The following HYAL4 variants were observed in gnomAD, a reference collection of about 807,000 sequenced individuals.
HYAL4 encodes hyaluronidase-4.
In HYAL4, 37 loss-of-function variants were observed where a neutral mutation model predicts 35.2. The observed-to-expected ratio is 1.05, with a 90% CI of 0.81 to 1.38. The LOEUF (loss-of-function observed/expected upper bound fraction) is 1.38, where lower values mean the gene tolerates loss of function less well. Among genes scored for constraint, HYAL4 ranks in the 40% most tolerant of loss-of-function variants. The pLI is 0.00. For missense variants in HYAL4, 572 were observed against 572.4 expected (o/e 1.00, Z 0.01); for synonymous variants, 198 against 203.2 (o/e 0.97, Z 0.22).
chr7:123,876,941 AG>A lies in HYAL4; in HGVS notation c.1234del (p.Asp412ThrfsTer6). On this transcript the variant is annotated frameshift_variant, in exon 5 of 5. Transcript: ENST00000223026. LOFTEE classifies it low-confidence loss of function (END_TRUNC). The part of the protein sequence containing the change: ...NPASYHIEAS[E>X]DGEFTVKGKA... ...GCAAGTTACCACATAGAGGCCTCTG[AG>A]GACGGGGAGTTTACTGTGAAAGGAA... 4 of 1,614,166 alleles carry A rather than the reference AG, an allele frequency of 2.5e-6. No homozygotes were observed. In the South Asian group the frequency reaches 4.4e-5, roughly 18 times the overall value.
intron 1 of HYAL4, among the ~76,000 whole-genome samples, chr7:123,837,813 C>T (rs1014882213): frequency 6.6e-6 from 1 of 151,788 alleles, no homozygotes; most frequent in Non-Finnish European, 1.5e-5. Flanking sequence ...ATGATGGTTT[C>T]CAGCTTCATC....
chr7:123,808,029 C>A, the HYAL4 span, among the ~76,000 whole-genome samples: 1 of 151,260 alleles, frequency 6.6e-6, no homozygotes, highest in Non-Finnish European at 1.5e-5. Context: ...CCCACCTCGG[C>A]CCCCCAAAGT....
chr7:123,798,956 A>G, the HYAL4 span, among the ~76,000 whole-genome samples: 1 of 152,152 alleles, frequency 6.6e-6, no homozygotes, highest in Non-Finnish European at 1.5e-5. Flanking sequence ...CCTTGAAGGA[A>G]ATGGGGAGCC....
chr7:123,764,464 A>G, the HYAL4 span, among the ~76,000 whole-genome samples: 2 of 152,212 alleles, frequency 1.3e-5, no homozygotes, highest in African/African-American at 4.8e-5. Context: ...CCTGACATTT[A>G]CAATTACATG....
the HYAL4 span, among the ~76,000 whole-genome samples, chr7:123,808,173 TA>T: frequency 3.9e-5 from 6 of 152,018 alleles, no homozygotes; most frequent in African/African-American, 9.7e-5. Flanking sequence ...GGCTTTATGG[TA>T]TATATGTAAA....
chr7:123,815,639 C>A, the HYAL4 span, among the ~76,000 whole-genome samples: 6 of 152,100 alleles, frequency 3.9e-5, no homozygotes, highest in Admixed American at 3.3e-4. Context: ...TGGAGATGAG[C>A]TTGTTTAGAA....
At chr7:123,859,071 T>C (rs554879317) in intron 2 of HYAL4, among the ~76,000 whole-genome samples, 2 of 152,272 alleles carry the variant, frequency 1.3e-5, no homozygotes, top group East Asian at 3.9e-4. Context: ...CAAAAAGGTA[T>C]GGGTGATGAA....
At chr7:123,784,188 A>T in the HYAL4 span, among the ~76,000 whole-genome samples, 1 of 152,206 alleles carries the variant, frequency 6.6e-6, no homozygotes, top group Non-Finnish European at 1.5e-5. Flanking sequence ...AAACTCCTTA[A>T]TTTCAGTATA....
chr7:123,839,765 T>G (rs899560868), intron 1 of HYAL4, among the ~76,000 whole-genome samples: 4 of 152,254 alleles, frequency 2.6e-5, no homozygotes, highest in Non-Finnish European at 5.9e-5. Context: ...ATGTGTCTGA[T>G]GGCTGCATAG....
chr7:123,785,925 GC>G, the HYAL4 span, among the ~76,000 whole-genome samples: 2 of 151,042 alleles, frequency 1.3e-5, no homozygotes, highest in Non-Finnish European at 2.9e-5. This position sits in a 1 kb window ranked among gnomAD's most constrained non-coding sequence, Gnocchi z 4.5. Context: ...AAAGAAGCAA[GC>G]CCTTCAGTAG....
At chr7:123,797,650 A>G in the HYAL4 span, among the ~76,000 whole-genome samples, 1 of 152,240 alleles carries the variant, frequency 6.6e-6, no homozygotes, top group East Asian at 1.9e-4. Flanking sequence ...TTGGAGGCCC[A>G]CACTAAGGCC....
At chr7:123,811,738 A>C in the HYAL4 span, among the ~76,000 whole-genome samples, 501 of 152,232 alleles carry the variant, frequency 3.3e-3, 1 homozygote, top group African/African-American at 0.011. Flanking sequence ...TGTATCTAAA[A>C]AGTCATCTGC....
At position 123,832,491 on chromosome 7, in the gene HYAL4, T is replaced by C. The variant is rs1214618204; in HGVS notation, c.-257+3367T>C. Among the ~76,000 whole-genome samples, 33 of 78,842 alleles carry C rather than the reference T, an allele frequency of 4.2e-4. 1 individual carries two copies. Among genetic ancestry groups the C allele is most frequent in the African/African-American group, 1.3e-3 (25 of 19,114 alleles). 51.7% of individuals were successfully genotyped at this position (78,842 alleles called of 152,430 possible). ...CTATTGTGTCATACTTTTTTTTTTTTTTTTTTTTTTTTTTTTTTTTTTTTT... is the reference window on the plus strand; with the variant it reads ...CTATTGTGTCATACTTTTTTTTTTTCTTTTTTTTTTTTTTTTTTTTTTTTT... On this transcript the variant is annotated intron_variant, in intron 1 of 4. Coordinates refer to the HYAL4 transcript ENST00000489978.
At chr7:123,802,587 A>G in the HYAL4 span, among the ~76,000 whole-genome samples, 31 of 151,938 alleles carry the variant, frequency 2.0e-4, no homozygotes, top group South Asian at 1.7e-3. Context: ...GTAAATCCCA[A>G]GTTGGGAATT....
At chr7:123,782,161 A>G in the HYAL4 span, among the ~76,000 whole-genome samples, 312 of 152,336 alleles carry the variant, frequency 2.0e-3, no homozygotes, top group African/African-American at 7.2e-3. Flanking sequence ...GTTAATATCA[A>G]TAATACAAAA....
At chr7:123,772,235 C>G in the HYAL4 span, among the ~76,000 whole-genome samples, 1 of 152,046 alleles carries the variant, frequency 6.6e-6, no homozygotes, top group African/African-American at 2.4e-5. Flanking sequence ...TATATATTTC[C>G]TACTGGTTTT....
intron 1 of HYAL4, among the ~76,000 whole-genome samples, chr7:123,838,913 T>C (rs569128398): frequency 6.6e-6 from 1 of 152,094 alleles, no homozygotes; most frequent in Admixed American, 6.6e-5. Context: ...TGTTTGATTC[T>C]ATTGCTGAGA....
chr7:123,812,132 G>A, the HYAL4 span, among the ~76,000 whole-genome samples: 3 of 152,106 alleles, frequency 2.0e-5, no homozygotes, highest in Admixed American at 6.6e-5. Flanking sequence ...GAGCCACTGC[G>A]TCTGGCTGGT....
intron 2 of HYAL4, among the ~76,000 whole-genome samples, chr7:123,858,282 TATA>T (rs1806502341): frequency 1.3e-5 from 2 of 152,260 alleles, no homozygotes; most frequent in East Asian, 3.9e-4. Flanking sequence ...ACCAGCTCTT[TATA>T]AGCCAAAATC....
Sources: allele counts gnomAD v4.1 joint callset (sites outside exome capture counted in the v4.1 genomes callset), GRCh38; gene constraint gnomAD v4.1.1; non-coding constraint Gnocchi (gnomAD v3.1); transcripts MANE v1.5; gene names NCBI Gene and HGNC (gene_info 2026-07-23, HGNC 2026-07-21).